DMXL1: variants seen among roughly 807,000 people sequenced by gnomAD.
The protein encoded by DMXL1 is Dmx like 1, also known as dmX-like protein 1.
DMXL1 carries 99 observed loss-of-function variants against 319.2 expected under a neutral mutation model. That is an observed-to-expected ratio of 0.31 (90% CI 0.26 to 0.37). DMXL1 has a LOEUF of 0.37. Among genes scored for constraint, DMXL1 ranks in the 10% least tolerant of loss-of-function variants. The pLI is 1.00. For synonymous variants in DMXL1, 1,385 were observed against 1,235.2 expected (o/e 1.12, Z -2.54); for missense variants, 3,745 against 3,595.6 (o/e 1.04, Z -1.06).
intron 9 of DMXL1, among the ~76,000 whole-genome samples, chr5:119,126,506 A>G (rs980920988): frequency 7.2e-5 from 11 of 152,302 alleles, no homozygotes; most frequent in South Asian, 6.2e-4. Context: ...GGGGATATCT[A>G]TTCAATAAAA....
intron 4 of DMXL1, among the ~76,000 whole-genome samples, chr5:119,109,315 T>C (rs1365436756): frequency 6.6e-6 from 1 of 152,204 alleles, no homozygotes; most frequent in African/African-American, 2.4e-5. Context: ...GATTTTTGTA[T>C]GTTATCTCAA....
At chr5:119,127,642 T>A (rs1231067122) in intron 9 of DMXL1, 2 of 166,998 alleles carry the variant, frequency 1.2e-5, no homozygotes, top group African/African-American at 4.8e-5. Context: ...TTTCGTCATG[T>A]TGACCAGGCT....
At chr5:119,147,493 G>C (rs758944160) in intron 17 of DMXL1, 23 bp downstream of exon 17, 1 of 1,554,894 alleles carries the variant, frequency 6.4e-7, no homozygotes, top group South Asian at 1.1e-5. Flanking sequence ...TATGAAAAGA[G>C]ACTAATTTTG....
At position 119,208,357 on chromosome 5, in the gene DMXL1, G is replaced by A. The variant is rs139739893; in HGVS notation, c.7926+1461G>A. On this transcript the variant is annotated intron_variant, in intron 34 of 43. Transcript: ENST00000539542. ...GCCTCCCGAGTAGCTGGGATTACAC[G>A]CATGGGCCACCACATCCAGCCAATT... 3.5e-3 allele frequency among the ~76,000 whole-genome samples: 535 copies of A among 151,928 alleles called. 6 individuals carry two copies. Among genetic ancestry groups the A allele is most frequent in the African/African-American group, 0.012 (517 of 41,424 alleles).
chr5:119,096,525 T>A (rs1189026559), intron 1 of DMXL1, among the ~76,000 whole-genome samples: 1 of 152,156 alleles, frequency 6.6e-6, no homozygotes, highest in Non-Finnish European at 1.5e-5. Context: ...GAGGAGCAAG[T>A]AGAGAGTTGA....
In DMXL1 at chr5:119,133,849, A is replaced by T. The variant is rs747919682; in HGVS notation, c.1925A>T (p.Asp642Val). 1.2e-6 allele frequency: 2 copies of T among 1,614,118 alleles called. No homozygotes were observed. The highest frequency in any genetic ancestry group is 1.1e-5 in the South Asian group (1 of 91,082). The change falls in exon 12 of 44, where the codon GAT (aspartate) becomes GTT (valine). Residue 642 changes from aspartate (D) to valine (V), a missense_variant. Physicochemically the swap from Asp to Val is radical, Grantham distance 152. Transcript: ENST00000539542. ...RYCGHRFHLNDLACHSVLPLL... is the reference protein window; with the variant it reads ...RYCGHRFHLNVLACHSVLPLL... The stretch of plus-strand genomic sequence containing the variant: ...TGTGGTCATCGTTTTCATCTTAATG[A>T]TTTAGCTTGCCACTCAGTATTACCA...
intron 32 of DMXL1, among the ~76,000 whole-genome samples, chr5:119,198,715 A>C (rs1780113095): frequency 6.6e-6 from 1 of 152,230 alleles, no homozygotes; most frequent in African/African-American, 2.4e-5. Flanking sequence ...ACATTACCTG[A>C]CTTCAAACTG....
At chr5:119,173,911 G>A (rs1376594780) in intron 25 of DMXL1, among the ~76,000 whole-genome samples, 4 of 149,784 alleles carry the variant, frequency 2.7e-5, no homozygotes, top group African/African-American at 9.9e-5. Context: ...GTGTAGTTCC[G>A]GTCCAAATCA....
chr5:119,156,228 T>C (rs1771024313), intron 19 of DMXL1, among the ~76,000 whole-genome samples: 1 of 152,222 alleles, frequency 6.6e-6, no homozygotes, highest in East Asian at 1.9e-4. Context: ...TCAGCAAAAA[T>C]TATGACTTGC....
At chr5:119,199,104 T>C (rs1467924250) in intron 32 of DMXL1, among the ~76,000 whole-genome samples, 1 of 152,088 alleles carries the variant, frequency 6.6e-6, no homozygotes, top group African/African-American at 2.4e-5. Flanking sequence ...CTCAGGCTGG[T>C]CTCAAACTCC....
At chr5:119,165,003 G>A (rs1773116503) in intron 20 of DMXL1, among the ~76,000 whole-genome samples, 180 bp from the exon 21 acceptor site, 1 of 151,956 alleles carries the variant, frequency 6.6e-6, no homozygotes, top group Non-Finnish European at 1.5e-5. Flanking sequence ...TGTATCCATT[G>A]AAGCCACCAC....
In DMXL1 at chr5:119,197,740, A is replaced by G. The variant is rs142554292; in HGVS notation, c.7544-15A>G. 25 of 1,612,900 alleles carry G rather than the reference A, an allele frequency of 1.6e-5. No individual in the cohort carries two copies. Among genetic ancestry groups the G allele is most frequent in the Admixed American group, 6.7e-5 (4 of 59,992 alleles). On this transcript the variant is annotated splice_polypyrimidine_tract_variant and intron_variant, in intron 31 of 43. Transcript: ENST00000539542. The stretch of plus-strand genomic sequence containing the variant: ...TACTGCATAAGATTAATATGAGTCA[A>G]TGTTCCCATTTTAGAGCTTCCAGTT...
chr5:119,208,309 G>T (rs1392947535), intron 34 of DMXL1, among the ~76,000 whole-genome samples: 1 of 151,668 alleles, frequency 6.6e-6, no homozygotes, highest in Admixed American at 6.6e-5. Context: ...CGCCTCCCGG[G>T]TTCAAGCGAT....
chr5:119,085,634 A>G (rs1753195447), intron 1 of DMXL1, among the ~76,000 whole-genome samples: 1 of 152,134 alleles, frequency 6.6e-6, no homozygotes, highest in Non-Finnish European at 1.5e-5. Context: ...TCATTTGTGA[A>G]CAAGGCTAAT....
chr5:119,220,954 T>G lies in DMXL1; in HGVS notation c.8150T>G (p.Leu2717Trp). Reference protein sequence around the residue: ...EVETKGSEDFLVIHARDDLTA... With the variant: ...EVETKGSEDFWVIHARDDLTA... ...TTCCTTTATAGATCAGAAGATTTCT[T>G]GGTTATACATGCTCGTGATGATTTA... Residue 2717 changes from leucine to tryptophan, a missense_variant, in exon 37 of 44, where the codon TTG becomes TGG. This residue lies in a region of DMXL1 where 1,382 missense variants were observed against 1,269.5 expected (regional missense o/e 1.09). Coordinates refer to ENST00000539542, the MANE Select transcript of DMXL1 (RefSeq NM_001290321.3). 1 of 1,613,226 alleles carries G rather than the reference T, an allele frequency of 6.2e-7. No homozygotes were observed. Among genetic ancestry groups the G allele is most frequent in the Non-Finnish European group, 8.5e-7 (1 of 1,179,614 alleles).
chr5:119,185,513 GT>G (rs1777560101), intron 28 of DMXL1, among the ~76,000 whole-genome samples: 1 of 151,826 alleles, frequency 6.6e-6, no homozygotes, highest in Admixed American at 6.6e-5. Context: ...TTGTTTGTTT[GT>G]TTTTTTGAGA....
chr5:119,148,690 A>G lies in DMXL1; in HGVS notation c.2912-49A>G, dbSNP rs1364015540. ...AAAATCGTAAGTACATAAAAACAGA[A>G]GTATTTAACCAAATTTGACATTTTG... On this transcript the variant is annotated intron_variant, in intron 17 of 43. Transcript: ENST00000539542. 4 of 1,545,444 alleles carry G rather than the reference A, an allele frequency of 2.6e-6. No homozygotes were observed. The African/African-American group carries it at 5.5e-5, about 21-fold the overall frequency.
intron 4 of DMXL1, among the ~76,000 whole-genome samples, chr5:119,108,722 G>C (rs910153659): frequency 2.0e-5 from 3 of 151,070 alleles, no homozygotes; most frequent in African/African-American, 7.3e-5. Flanking sequence ...ACCCAGCCTT[G>C]ACAATACTTT....
At chr5:119,110,049 T>G (rs1307915520) in intron 4 of DMXL1, 102 bp from the exon 5 acceptor site, 1 of 1,143,402 alleles carries the variant, frequency 8.7e-7, no homozygotes, top group Non-Finnish European at 1.2e-6. Context: ...TTTTTGATAT[T>G]TGACTTTTTT....
Sources: allele counts gnomAD v4.1 joint callset (sites outside exome capture counted in the v4.1 genomes callset), GRCh38; gene constraint gnomAD v4.1.1; regional missense constraint gnomAD v4.1.1; transcripts MANE v1.5; gene names NCBI Gene and HGNC (gene_info 2026-07-23, HGNC 2026-07-21).